Variants in HPS5 observed in about 807,000 individuals in gnomAD.
HPS5 encodes HPS5 biogenesis of lysosomal organelles complex 2 subunit 2.
Under a neutral mutation model 128.0 loss-of-function variants are expected in HPS5, and 83 were observed. The ratio of observed to expected loss-of-function variants is 0.65; its 90% CI spans 0.54 to 0.78. HPS5 has a LOEUF of 0.78. Ranked by LOEUF, HPS5 falls within the 30% of genes least tolerant of loss-of-function variation. HPS5 has a pLI of 0.00. For synonymous variants in HPS5, 475 were observed against 470.2 expected, an observed-to-expected ratio of 1.01 and a Z score of -0.13; for missense variants, 1,281 against 1,326.2, an observed-to-expected ratio of 0.97 and a Z score of 0.53.
rs1862345224 is a variant in HPS5 at position 18,306,189 on chromosome 11, G to T, written c.770C>A (p.Thr257Lys). ...CGAGAGGAGTTTCTTGAACTGATGTGTACTTATAACTTCTCCATCAAAGTT... is the reference window on the plus strand; with the variant it reads ...CGAGAGGAGTTTCTTGAACTGATGTTTACTTATAACTTCTCCATCAAAGTT... Reference protein sequence around the residue: ...EVNFDGEVISTHQFKKLLSLP... With the variant: ...EVNFDGEVISKHQFKKLLSLP... Residue 257 changes from threonine to lysine, a missense_variant, in exon 7 of 23, where the codon ACA becomes AAA. By Grantham distance (78) the Thr-to-Lys change is moderately conservative (BLOSUM62 -1). Transcript: ENST00000349215. 6.2e-7 allele frequency: 1 copy of T among 1,614,070 alleles called. No individual in the cohort carries two copies. The highest frequency in any genetic ancestry group is 1.7e-5 in the Admixed American group (1 of 60,024).
intron 8 of HPS5, among the ~76,000 whole-genome samples, chr11:18,305,200 G>A (rs1023467612): frequency 1.3e-5 from 2 of 152,158 alleles, no homozygotes; most frequent in Admixed American, 1.3e-4. Context: ...AAGTTTCTTG[G>A]CAATTATAAA....
intron 16 of HPS5, among the ~76,000 whole-genome samples, chr11:18,291,096 C>G (rs1465099165): frequency 6.6e-6 from 1 of 152,084 alleles, no homozygotes; most frequent in Non-Finnish European, 1.5e-5. Context: ...TGCACGCCTG[C>G]AGTCCCAGCT....
At chr11:18,295,857 A>G in intron 13 of HPS5, 142 bp downstream of exon 13, 1 of 863,708 alleles carries the variant, frequency 1.2e-6, no homozygotes, top group South Asian at 1.5e-5. Context: ...GGTAAATGAG[A>G]AGTTAATAGC....
chr11:18,300,653 C>T (rs932985910), intron 9 of HPS5, among the ~76,000 whole-genome samples, 175 bp downstream of exon 9: 8 of 143,702 alleles, frequency 5.6e-5, no homozygotes, highest in Non-Finnish European at 7.4e-5. Flanking sequence ...GCCAAGATCG[C>T]ACCAGTGCAC....
rs1197648788 is a variant in HPS5 at position 18,285,420 on chromosome 11, C to T, written c.2877G>A (p.Leu959=). Reference sequence around the variant, plus strand: ...CAGGAAGTTTAATTAGATGAAGGATCAGCTGACTGTAACCCCAGGAAAGCA... The same window carrying T: ...CAGGAAGTTTAATTAGATGAAGGATTAGCTGACTGTAACCCCAGGAAAGCA... ...SHLLSWGYSQ[L]ILHLIKLPAD... is the part of the protein sequence containing the mutation. Residue 959 remains leucine, a synonymous_variant, in exon 20 of 23, where the codon CTG becomes CTA. Coordinates refer to ENST00000349215, the MANE Select transcript of HPS5 (RefSeq NM_181507.2). The T allele has an allele frequency of 2.5e-6, 4 of 1,613,392 alleles. No homozygotes were observed. The Admixed American group carries it at 5.0e-5, about 20-fold the overall frequency.
intron 8 of HPS5, among the ~76,000 whole-genome samples, chr11:18,302,727 A>G (rs1427773705): frequency 6.7e-6 from 1 of 149,634 alleles, no homozygotes; most frequent in African/African-American, 2.5e-5. Flanking sequence ...CCCTACAGGA[A>G]AGTAATCTTT....
intron 6 of HPS5, among the ~76,000 whole-genome samples, chr11:18,307,161 T>C (rs1862472714): frequency 6.6e-6 from 1 of 152,222 alleles, no homozygotes; most frequent in Admixed American, 6.5e-5. Context: ...TTATTCCTCT[T>C]TGGTTGAATT....
In HPS5 at chr11:18,278,765, T is replaced by G. The variant is rs548543710; in HGVS notation, c.*1117A>C. ...GTCTACATTGTGTTCCAATGAAAAC[T>G]TTAGTCATATTTTACATTTATTATT... On this transcript the variant is annotated 3_prime_UTR_variant, in exon 23 of 23. Transcript: ENST00000349215. 2 of 152,498 alleles carry G rather than the reference T, an allele frequency of 1.3e-5. No individual in the cohort carries two copies. The highest frequency in any genetic ancestry group is 4.1e-4 in the South Asian group (2 of 4,830). 9.4% of individuals were successfully genotyped at this position (152,498 alleles called of 1,614,324 possible). A position where few individuals can be genotyped will look rare whatever the true frequency, so the allele number is the denominator to read the frequency against.
chr11:18,301,785 T>A (rs747766756), intron 8 of HPS5, among the ~76,000 whole-genome samples: 18 of 152,086 alleles, frequency 1.2e-4, no homozygotes, highest in Non-Finnish European at 2.2e-4. Flanking sequence ...TATACTATTC[T>A]TATTAAAAAG....
At chr11:18,301,501 T>C (rs964839526) in intron 8 of HPS5, among the ~76,000 whole-genome samples, 3 of 149,790 alleles carry the variant, frequency 2.0e-5, no homozygotes, top group African/African-American at 7.3e-5. Context: ...GGCTGGTATC[T>C]GGAAAAAGAA....
chr11:18,317,257 A>AT (rs67379743), intron 2 of HPS5, among the ~76,000 whole-genome samples: 5,508 of 131,970 alleles, frequency 0.042, 325 homozygotes, highest in African/African-American at 0.12. Flanking sequence ...GGCCTGATAA[A>AT]TTTTTTTTTT....
In HPS5 at chr11:18,287,659, G is replaced by A. The variant is rs281865104; in HGVS notation, c.2593C>T (p.Arg865Ter). The A allele has an allele frequency of 8.7e-6, 14 of 1,614,136 alleles. No homozygotes were observed. The highest frequency in any genetic ancestry group is 2.2e-5 in the East Asian group (1 of 44,876). The change falls in exon 18 of 23, where the codon CGA (arginine) becomes TGA (stop). Residue 865 changes from arginine (R) to a stop codon, truncating the protein, a stop_gained. Coordinates refer to ENST00000349215, the MANE Select transcript of HPS5 (RefSeq NM_181507.2). LOFTEE classifies it high-confidence loss of function. Reference protein sequence around the residue: ...LYEKFGESALRSLIKFFPSIL... With the variant: ...LYEKFGESAL The stretch of plus-strand genomic sequence containing the variant: ...GATGGAAAGAACTTGATTAAGGATC[G>A]AAGAGCAGACTCCCCAAACTTTTCA...
intron 16 of HPS5, among the ~76,000 whole-genome samples, chr11:18,289,558 A>G (rs1860147529): frequency 6.6e-6 from 1 of 151,802 alleles, no homozygotes; most frequent in Non-Finnish European, 1.5e-5. Context: ...TTTCACACAA[A>G]AGACAATCTA....
intron 19 of HPS5, among the ~76,000 whole-genome samples, chr11:18,286,225 AG>A (rs1314491319): frequency 6.6e-6 from 1 of 152,246 alleles, no homozygotes; most frequent in Admixed American, 6.5e-5. Context: ...TCCATTCCAA[AG>A]GAACACTGGA....
At chr11:18,285,526 C>T (rs976159879) in intron 19 of HPS5, 67 bp from the exon 20 acceptor site, 120 of 1,056,496 alleles carry the variant, frequency 1.1e-4, no homozygotes, top group Non-Finnish European at 1.6e-4. Flanking sequence ...TATTTATCAC[C>T]TAATAGGTAA....
At chr11:18,317,944 C>T in intron 1 of HPS5, 37 bp from the exon 2 acceptor site, 1 of 1,446,162 alleles carries the variant, frequency 6.9e-7, no homozygotes, top group Non-Finnish European at 9.5e-7. Context: ...TTAAGAAGCC[C>T]ACCATTCATT....
chr11:18,286,970 G>C (rs1267992247), intron 18 of HPS5: 2 of 610,748 alleles, frequency 3.3e-6, no homozygotes, highest in Admixed American at 3.0e-5. Flanking sequence ...AACCAGTGTG[G>C]CCAGAGTAGG....
chr11:18,292,114 T>C lies in HPS5; in HGVS notation c.1863-95A>G, dbSNP rs1860479140. The C allele has an allele frequency of 7.8e-6, 7 of 895,600 alleles. No individual in the cohort carries two copies. The Admixed American group carries it at 1.4e-4, about 18-fold the overall frequency. The allele number at this position is 895,600 out of a possible 1,614,324, so 55.5% of individuals were successfully genotyped here. A position where few individuals can be genotyped will look rare whatever the true frequency, so the allele number is the denominator to read the frequency against. ...ATAAATTAACCTAACCAATGTAACA[T>C]ACTCATCTGGAATAAACGTTACTTT... is the stretch of plus-strand genomic sequence containing the variant. On this transcript the variant is annotated intron_variant, in intron 15 of 22. Coordinates refer to ENST00000349215, the MANE Select transcript of HPS5 (RefSeq NM_181507.2).
At position 18,284,290 on chromosome 11, in the gene HPS5, C is replaced by A. The variant is rs181047966; in HGVS notation, c.2952-389G>T. 3.9e-5 allele frequency among the ~76,000 whole-genome samples: 6 copies of A among 152,282 alleles called. No homozygotes were observed. In the East Asian group the frequency reaches 1.2e-3, roughly 29 times the overall value. On this transcript the variant is annotated intron_variant, in intron 20 of 22. Coordinates refer to ENST00000349215, the MANE Select transcript of HPS5 (RefSeq NM_181507.2). ...AATTCAACACAAACCTAGCATATTT[C>A]TTCTCCAAATATGTAAACCTTGGAA...
Sources: allele counts gnomAD v4.1 joint callset (sites outside exome capture counted in the v4.1 genomes callset), GRCh38; gene constraint gnomAD v4.1.1; transcripts MANE v1.5; gene names NCBI Gene and HGNC (gene_info 2026-07-23, HGNC 2026-07-21).